Variants in ZNF138 observed in about 807,000 individuals in gnomAD.
The protein encoded by ZNF138 is zinc finger protein 138 (clone pHZ-32).
ZNF138 carries 33 observed loss-of-function variants against 33.0 expected under a neutral mutation model. The ratio of observed to expected loss-of-function variants is 1.00; its 90% CI spans 0.76 to 1.34. ZNF138 has a LOEUF of 1.34. ZNF138 is among the 40% of genes most tolerant of loss of function. ZNF138 has a pLI of 0.00. For synonymous variants in ZNF138, 139 were observed against 120.4 expected, an observed-to-expected ratio of 1.15 and a Z score of -1.01; for missense variants, 360 against 370.8, an observed-to-expected ratio of 0.97 and a Z score of 0.24.
rs537339532 is a variant in ZNF138 at position 64,810,758 on chromosome 7, G to A, written c.4-4160G>A. Among the ~76,000 whole-genome samples, 5 of 152,214 alleles carry A rather than the reference G, an allele frequency of 3.3e-5. No individual in the cohort carries two copies. In the South Asian group the frequency reaches 6.2e-4, roughly 19 times the overall value. Reference sequence around the variant, plus strand: ...CTTGTTCAAATTTACTGTTTTTGGAGGCCTTATTTAGGTCTGGCCCCACCC... The same window carrying A: ...CTTGTTCAAATTTACTGTTTTTGGAAGCCTTATTTAGGTCTGGCCCCACCC... On this transcript the variant is annotated intron_variant, in intron 1 of 3. Coordinates refer to ENST00000307355, the MANE Select transcript of ZNF138 (RefSeq NM_001271639.2).
intron 3 of ZNF138, among the ~76,000 whole-genome samples, chr7:64,829,104 T>C (rs1214891105): frequency 1.3e-5 from 2 of 152,170 alleles, no homozygotes; most frequent in Non-Finnish European, 2.9e-5. Flanking sequence ...TTGTTAAGAC[T>C]TCTTTTTTGG....
Position 64,794,587 on chromosome 7 carries a change from C to G in ZNF138, c.3+16C>G, listed in dbSNP as rs766139970. ...CCTAGAAATGGTGAGAGTGCTGGGT[C>G]CGACATCCCGAGAGAGGGGGAGGGA... On this transcript the variant is annotated intron_variant, in intron 1 of 3. Coordinates refer to ENST00000307355, the MANE Select transcript of ZNF138 (RefSeq NM_001271639.2). The G allele has an allele frequency of 6.2e-6, 10 of 1,613,404 alleles. No individual in the cohort carries two copies. In the South Asian group the frequency reaches 6.6e-5, roughly 11 times the overall value.
chr7:64,825,298 A>G (rs1005213846), intron 3 of ZNF138, among the ~76,000 whole-genome samples: 17 of 145,092 alleles, frequency 1.2e-4, no homozygotes, highest in South Asian at 2.2e-4. Flanking sequence ...TCAGCCTCCC[A>G]AGTAGCTGGG....
chr7:64,831,056 C>A (rs761470686), intron 3 of ZNF138: 310 of 1,551,466 alleles, frequency 2.0e-4, no homozygotes, highest in Non-Finnish European at 2.6e-4. Flanking sequence ...GCAAAAGCAC[C>A]TAGAAGCCAG....
At chr7:64,838,691 C>T in the ZNF138 span, among the ~76,000 whole-genome samples, 9 of 152,088 alleles carry the variant, frequency 5.9e-5, no homozygotes, top group Non-Finnish European at 5.9e-5. Context: ...TATCACTGCC[C>T]GCAGCGAATG....
the ZNF138 span, among the ~76,000 whole-genome samples, chr7:64,854,543 A>C: frequency 2.6e-5 from 4 of 152,238 alleles, no homozygotes; most frequent in Non-Finnish European, 5.9e-5. Context: ...ACCTAGTCAT[A>C]ATATAAATAT....
At chr7:64,823,842 G>A (rs1389408688) in intron 3 of ZNF138, among the ~76,000 whole-genome samples, 2 of 152,294 alleles carry the variant, frequency 1.3e-5, no homozygotes, top group African/African-American at 2.4e-5. Flanking sequence ...GGAGGCTGAG[G>A]CAGAAGAATC....
At chr7:64,841,609 A>G in the ZNF138 span, among the ~76,000 whole-genome samples, 3 of 151,438 alleles carry the variant, frequency 2.0e-5, no homozygotes, top group Non-Finnish European at 3.0e-5. Flanking sequence ...CTAAAGAGAA[A>G]CTCTGTTTCT....
chr7:64,839,959 G>A, the ZNF138 span, among the ~76,000 whole-genome samples: 1 of 151,714 alleles, frequency 6.6e-6, no homozygotes, highest in Non-Finnish European at 1.5e-5. Flanking sequence ...AAGGTGCAGC[G>A]CACTTTTATG....
At chr7:64,846,468 G>T in the ZNF138 span, among the ~76,000 whole-genome samples, 1 of 152,112 alleles carries the variant, frequency 6.6e-6, no homozygotes, top group Non-Finnish European at 1.5e-5. Flanking sequence ...TCCTTGTAGA[G>T]GTCTTTCACC....
chr7:64,819,380 T>G (rs566424461), intron 3 of ZNF138, among the ~76,000 whole-genome samples: 1 of 151,348 alleles, frequency 6.6e-6, no homozygotes, highest in African/African-American at 2.4e-5. Flanking sequence ...TTTTTTTCCA[T>G]TTTTGGAGAT....
chr7:64,802,253 A>G (rs1223627651), intron 1 of ZNF138, among the ~76,000 whole-genome samples: 1 of 152,190 alleles, frequency 6.6e-6, no homozygotes, highest in Admixed American at 6.5e-5. Context: ...TCAGGTTAAG[A>G]TAAAGGATTG....
chr7:64,837,601 G>C (rs538020704), downstream of ZNF138, among the ~76,000 whole-genome samples: 9 of 152,284 alleles, frequency 5.9e-5, no homozygotes, highest in African/African-American at 2.2e-4. Flanking sequence ...CAAGATTGGC[G>C]CGTCTCGAGA....
chr7:64,797,667 A>T (rs886323330), intron 1 of ZNF138, among the ~76,000 whole-genome samples: 1 of 152,202 alleles, frequency 6.6e-6, no homozygotes, highest in Admixed American at 6.5e-5. Context: ...TGCAGTAAAC[A>T]TTAAGATGGA....
At chr7:64,848,818 C>T in the ZNF138 span, among the ~76,000 whole-genome samples, 2 of 151,256 alleles carry the variant, frequency 1.3e-5, no homozygotes, top group Admixed American at 1.3e-4. Flanking sequence ...CATTCTCCTG[C>T]CTCAGCCTCC....
At chr7:64,809,896 T>G (rs1205795273) in intron 1 of ZNF138, among the ~76,000 whole-genome samples, 2 of 86,934 alleles carry the variant, frequency 2.3e-5, no homozygotes, top group African/African-American at 9.4e-5. Context: ...TTCCTAGATG[T>G]GATGGCAGCC....
chr7:64,844,250 T>TA, the ZNF138 span, among the ~76,000 whole-genome samples: 5 of 152,230 alleles, frequency 3.3e-5, no homozygotes, highest in South Asian at 8.3e-4. Flanking sequence ...TTATTATTTT[T>TA]AATGTTTGCT....
At chr7:64,813,435 G>GTT (rs1562902433) in intron 1 of ZNF138, among the ~76,000 whole-genome samples, 6,307 of 130,216 alleles carry the variant, frequency 0.048, 200 homozygotes, top group East Asian at 0.13. Context: ...GCATAAAAAT[G>GTT]ATTTTTTTTT....
chr7:64,813,424 T>A (rs1458992311), intron 1 of ZNF138, among the ~76,000 whole-genome samples: 1 of 134,870 alleles, frequency 7.4e-6, no homozygotes, highest in Non-Finnish European at 1.6e-5. Flanking sequence ...TCTTAAAGTT[T>A]GCATAAAAAT....
Sources: gnomAD v4.1 joint callset for allele counts (sites outside exome capture counted in the v4.1 genomes callset) on GRCh38, gnomAD v4.1.1 for gene constraint, MANE v1.5 for transcripts, NCBI Gene and HGNC (gene_info 2026-07-23, HGNC 2026-07-21) for gene names.